NHERF1: variants seen among roughly 807,000 people sequenced by gnomAD.
NHERF1 encodes the protein NHERF family PDZ scaffold protein 1, also known as Na(+)/H(+) exchange regulatory cofactor NHE-RF1.
the NHERF1 span, among the ~76,000 whole-genome samples, chr17:74,758,172 G>A: frequency 6.6e-6 from 1 of 152,238 alleles, no homozygotes; most frequent in African/African-American, 2.4e-5. This position sits in a 1 kb window ranked among gnomAD's most constrained non-coding sequence, Gnocchi z 4.3. Context: ...TTAGGGTATC[G>A]ACTTTCCCCA....
chr17:74,763,338 C>T, the NHERF1 span: 1,628 of 1,602,190 alleles, frequency 1.0e-3, 4 homozygotes, highest in South Asian at 2.1e-3. Context: ...GGCCTGTGTC[C>T]GTAACGCCTC....
chr17:74,765,270 C>CT, the NHERF1 span, among the ~76,000 whole-genome samples: 36 of 151,476 alleles, frequency 2.4e-4, no homozygotes, highest in Non-Finnish European at 8.8e-5. Flanking sequence ...TTTTCTTTTT[C>CT]TTTTTTTTGA....
At chr17:74,749,150 C>T in the NHERF1 span, 1 of 1,553,536 alleles carries the variant, frequency 6.4e-7, no homozygotes, top group Non-Finnish European at 8.7e-7. This position sits in a 1 kb window ranked among gnomAD's most constrained non-coding sequence, Gnocchi z 5.6. Flanking sequence ...GCTGCAGAAG[C>T]TCGGCGTCCA....
chr17:74,755,920 A>C, the NHERF1 span, among the ~76,000 whole-genome samples: 5 of 151,802 alleles, frequency 3.3e-5, no homozygotes, highest in African/African-American at 1.2e-4. Context: ...TGGGTACATT[A>C]TGTTAAATAA....
chr17:74,754,584 G>T, the NHERF1 span, among the ~76,000 whole-genome samples: 6 of 151,504 alleles, frequency 4.0e-5, no homozygotes, highest in Non-Finnish European at 8.8e-5. Context: ...TGTATTTTTA[G>T]TAGAGACGGA....
chr17:74,762,560 G>C, the NHERF1 span, among the ~76,000 whole-genome samples: 1 of 147,228 alleles, frequency 6.8e-6, no homozygotes, highest in Non-Finnish European at 1.5e-5. This position sits in a 1 kb window ranked among gnomAD's most constrained non-coding sequence, Gnocchi z 4.2. Context: ...TATTTATTTA[G>C]TTTTTTTTTT....
chr17:74,751,318 C>T, the NHERF1 span, among the ~76,000 whole-genome samples: 1 of 152,204 alleles, frequency 6.6e-6, no homozygotes, highest in Non-Finnish European at 1.5e-5. This position sits in a 1 kb window ranked among gnomAD's most constrained non-coding sequence, Gnocchi z 4.3. Context: ...TGTTAACAGA[C>T]ATTGTAAGAG....
the NHERF1 span, chr17:74,749,315 G>A: frequency 1.3e-6 from 2 of 1,517,808 alleles, no homozygotes; most frequent in East Asian, 2.5e-5. This position sits in a 1 kb window ranked among gnomAD's most constrained non-coding sequence, Gnocchi z 5.6. Flanking sequence ...CGCGCAGGCT[G>A]GCATGGAGTG....
the NHERF1 span, among the ~76,000 whole-genome samples, chr17:74,755,916 C>T: frequency 3.9e-4 from 59 of 151,010 alleles, no homozygotes; most frequent in South Asian, 1.5e-3. Flanking sequence ...ATTTTGGGTA[C>T]ATTATGTTAA....
At chr17:74,751,286 C>A in the NHERF1 span, among the ~76,000 whole-genome samples, 1 of 152,230 alleles carries the variant, frequency 6.6e-6, no homozygotes, top group African/African-American at 2.4e-5. The surrounding 1 kb of genome is among the most constrained non-coding windows in gnomAD (Gnocchi z 4.3). Context: ...CATACAGACA[C>A]CCATGTGGTT....
the NHERF1 span, among the ~76,000 whole-genome samples, chr17:74,758,723 C>T: frequency 1.3e-5 from 2 of 152,254 alleles, no homozygotes; most frequent in African/African-American, 2.4e-5. This position sits in a 1 kb window ranked among gnomAD's most constrained non-coding sequence, Gnocchi z 4.3. Flanking sequence ...CATGCCTGGA[C>T]GTCACTCCCA....
the NHERF1 span, chr17:74,762,257 G>T: frequency 6.6e-7 from 1 of 1,513,410 alleles, no homozygotes; most frequent in Admixed American, 1.7e-5. The surrounding 1 kb of genome is among the most constrained non-coding windows in gnomAD (Gnocchi z 4.2). Flanking sequence ...ATACCATCAT[G>T]GGCTTGATTA....
the NHERF1 span, among the ~76,000 whole-genome samples, chr17:74,767,380 A>G: frequency 1.3e-5 from 2 of 152,140 alleles, no homozygotes; most frequent in African/African-American, 4.8e-5. Context: ...CAGAAGGGAA[A>G]GGGGGTGAGG....
At chr17:74,763,379 T>A in the NHERF1 span, 1 of 1,613,896 alleles carries the variant, frequency 6.2e-7, no homozygotes, top group Non-Finnish European at 8.5e-7. Context: ...GAACGGGGTC[T>A]GCATGGAGGG....
the NHERF1 span, chr17:74,749,024 G>T: frequency 1.9e-6 from 3 of 1,605,448 alleles, no homozygotes; most frequent in Non-Finnish European, 2.5e-6. This position sits in a 1 kb window ranked among gnomAD's most constrained non-coding sequence, Gnocchi z 5.6. Flanking sequence ...GGACCGGCTG[G>T]TGGAGGTGAA....
chr17:74,761,861 C>G, the NHERF1 span: 1 of 741,750 alleles, frequency 1.3e-6, no homozygotes, highest in South Asian at 1.5e-5. This position sits in a 1 kb window ranked among gnomAD's most constrained non-coding sequence, Gnocchi z 4.3. Flanking sequence ...AGTCCTGGGC[C>G]AGAACCCTCT....
chr17:74,763,367 G>A, the NHERF1 span: 8 of 1,613,034 alleles, frequency 5.0e-6, no homozygotes, highest in Non-Finnish European at 6.8e-6. Flanking sequence ...TGCCCTGCAG[G>A]TGAACGGGGT....
At chr17:74,750,804 G>C in the NHERF1 span, among the ~76,000 whole-genome samples, 4 of 109,066 alleles carry the variant, frequency 3.7e-5, no homozygotes, top group African/African-American at 1.1e-4. Context: ...GTCTCGTTCA[G>C]CTCCTCCCTT....
At chr17:74,763,491 G>A in the NHERF1 span, 1 of 1,606,914 alleles carries the variant, frequency 6.2e-7, no homozygotes, top group Non-Finnish European at 8.5e-7. Flanking sequence ...AAGAAATGCA[G>A]AGTGATCCCA....
Sources: allele counts gnomAD v4.1 joint callset (sites outside exome capture counted in the v4.1 genomes callset), GRCh38; gene constraint gnomAD v4.1.1; non-coding constraint Gnocchi (gnomAD v3.1); transcripts MANE v1.5; gene names NCBI Gene and HGNC (gene_info 2026-07-23, HGNC 2026-07-21).